The following NCKAP5 variants were observed in gnomAD, a reference collection of about 807,000 sequenced individuals.
The protein encoded by NCKAP5 is nck-associated protein 5.
NCKAP5 carries 92 observed loss-of-function variants against 167.0 expected under a neutral mutation model. That is an observed-to-expected ratio of 0.55 (90% confidence interval 0.47 to 0.66). The LOEUF (loss-of-function observed/expected upper bound fraction) is 0.66. Among genes scored for constraint, NCKAP5 ranks in the 30% least tolerant of loss-of-function variants. The pLI is 0.00. For missense variants in NCKAP5, 2,378 were observed against 2,315.0 expected (o/e 1.03, Z -0.56); for synonymous variants, 891 against 877.4 (o/e 1.02, Z -0.27).
rs185270041 is a variant in NCKAP5, at chr2:133,385,294, A to G, written c.70-82184T>C. Reference sequence around the variant, plus strand: ...TTTGTCAAAGGCCTTTTCTGCATCTACTGAGATAATCATGTGGTTTTTGTC... The same window carrying G: ...TTTGTCAAAGGCCTTTTCTGCATCTGCTGAGATAATCATGTGGTTTTTGTC... On this transcript the variant is annotated intron_variant, in intron 3 of 19. Coordinates refer to ENST00000409261, the MANE Select transcript of NCKAP5 (RefSeq NM_207363.3). Among the ~76,000 whole-genome samples, 50 of 152,298 alleles carry G rather than the reference A, an allele frequency of 3.3e-4. No individual in the cohort carries two copies. In the East Asian group the frequency reaches 9.1e-3, roughly 28 times the overall value.
At chr2:133,018,779 C>T (rs973675592) in intron 6 of NCKAP5, among the ~76,000 whole-genome samples, 5 of 152,180 alleles carry the variant, frequency 3.3e-5, no homozygotes, top group Admixed American at 3.3e-4. Flanking sequence ...GCAGGAGGAA[C>T]ACCAATCTTT....
intron 11 of NCKAP5, among the ~76,000 whole-genome samples, chr2:132,817,270 T>C (rs1214188101): frequency 6.6e-6 from 1 of 152,198 alleles, no homozygotes; most frequent in Non-Finnish European, 1.5e-5. Flanking sequence ...TATTGACATT[T>C]ATGTTGATCG....
At chr2:132,798,912 A>G (rs72847226) in intron 11 of NCKAP5, among the ~76,000 whole-genome samples, 28,352 of 152,218 alleles carry the variant, frequency 0.19, 3,105 homozygotes, top group East Asian at 0.3. Context: ...GTGTGTACCC[A>G]AAGGAAAATC....
intron 19 of NCKAP5, among the ~76,000 whole-genome samples, chr2:132,698,021 C>T (rs561321499): frequency 6.6e-6 from 1 of 152,274 alleles, no homozygotes; most frequent in Admixed American, 6.5e-5. Flanking sequence ...ATTTCAAACC[C>T]CACATTGCAG....
At chr2:132,857,302 A>C (rs1689549344) in intron 11 of NCKAP5, among the ~76,000 whole-genome samples, 2 of 152,184 alleles carry the variant, frequency 1.3e-5, no homozygotes, top group Admixed American at 1.3e-4. Context: ...ATTGTTCCAC[A>C]TTTAATACAA....
At chr2:132,938,275 A>G (rs1324466034) in intron 8 of NCKAP5, among the ~76,000 whole-genome samples, 1 of 152,204 alleles carries the variant, frequency 6.6e-6, no homozygotes, top group Non-Finnish European at 1.5e-5. Context: ...GATACAGTAG[A>G]GAACAAAGGT....
intron 16 of NCKAP5, among the ~76,000 whole-genome samples, chr2:132,762,960 T>C (rs1171512129): frequency 1.3e-5 from 2 of 152,034 alleles, no homozygotes; most frequent in East Asian, 3.9e-4. Context: ...TGGTAGGGAG[T>C]CCTTTGGCAA....
rs1028671868 is a variant in NCKAP5 at position 133,449,031 on chromosome 2, C to T, written c.69+68427G>A. On this transcript the variant is annotated intron_variant, in intron 3 of 19. Coordinates refer to ENST00000409261, the MANE Select transcript of NCKAP5 (RefSeq NM_207363.3). ...GATGTTCTTATTAACCTTTTTTCCA[C>T]ATAGATTTAATTATCCTTGCACTTC... Among the ~76,000 whole-genome samples, 8 of 152,168 alleles carry T rather than the reference C, an allele frequency of 5.3e-5. No homozygotes were observed. The South Asian group carries it at 1.2e-3, about 24-fold the overall frequency.
At chr2:133,213,657 G>T (rs1299791821) in intron 5 of NCKAP5, 59 bp downstream of exon 5, 2 of 1,556,256 alleles carry the variant, frequency 1.3e-6, no homozygotes, top group Non-Finnish European at 1.8e-6. Flanking sequence ...AGGCAAAGTA[G>T]CTTTCAAGCC....
intron 8 of NCKAP5, among the ~76,000 whole-genome samples, chr2:132,884,613 C>T (rs558410772): frequency 4.6e-5 from 7 of 152,240 alleles, no homozygotes; most frequent in African/African-American, 9.6e-5. Flanking sequence ...CCATGAATCA[C>T]GGAGGAAAAT....
At position 133,235,461 on chromosome 2, in the gene NCKAP5, G is replaced by A. The variant is rs947232684; in HGVS notation, c.144-21682C>T. ...TCCTGAGTACAAAAAGGCAGGCTGG[G>A]CATGGTGGCTCACACCTGTAATCCT... On this transcript the variant is annotated intron_variant, in intron 4 of 19. Transcript: ENST00000409261. Among the ~76,000 whole-genome samples, 3 of 152,282 alleles carry A rather than the reference G, an allele frequency of 2.0e-5. No individual in the cohort carries two copies. The South Asian group carries it at 6.2e-4, about 32-fold the overall frequency.
chr2:133,044,981 T>G (rs188842307), intron 6 of NCKAP5, among the ~76,000 whole-genome samples: 2 of 150,082 alleles, frequency 1.3e-5, no homozygotes, highest in Non-Finnish European at 3.0e-5. Context: ...CCTGAGCCCA[T>G]GAGTTCCAGG....
At chr2:133,486,378 C>T (rs1175064818) in intron 3 of NCKAP5, among the ~76,000 whole-genome samples, 2 of 152,200 alleles carry the variant, frequency 1.3e-5, no homozygotes, top group African/African-American at 4.8e-5. Flanking sequence ...TGTTTATCAG[C>T]AACAGTGGCT....
At chr2:133,281,742 C>A (rs10170384) in intron 4 of NCKAP5, among the ~76,000 whole-genome samples, 17,306 of 152,138 alleles carry the variant, frequency 0.11, 1,107 homozygotes, top group South Asian at 0.15. Context: ...GACAAGCAAC[C>A]CCTAGATCTC....
At chr2:133,271,020 C>T (rs945103111) in intron 4 of NCKAP5, among the ~76,000 whole-genome samples, 15 of 149,732 alleles carry the variant, frequency 1.0e-4, no homozygotes, top group Non-Finnish European at 1.6e-4. Context: ...CCCGGGTTCA[C>T]GTCATTCTCC....
chr2:133,399,538 G>A (rs1029642531), intron 3 of NCKAP5, among the ~76,000 whole-genome samples: 2 of 152,144 alleles, frequency 1.3e-5, no homozygotes, highest in African/African-American at 4.8e-5. Flanking sequence ...CATTTTGTGG[G>A]GGGCATTTTA....
chr2:133,097,320 G>A (rs2081374251), intron 6 of NCKAP5, among the ~76,000 whole-genome samples: 2 of 152,122 alleles, frequency 1.3e-5, no homozygotes, highest in Admixed American at 1.3e-4. Flanking sequence ...TCTATAGTTT[G>A]GAGTTTTGTC....
rs769725375 is a variant in NCKAP5, at chr2:132,687,468, C to G, written c.5714-14163G>C. 6.6e-5 allele frequency among the ~76,000 whole-genome samples: 10 copies of G among 152,174 alleles called. No individual in the cohort carries two copies. The South Asian group carries it at 2.1e-3, about 32-fold the overall frequency. On this transcript the variant is annotated intron_variant, in intron 19 of 19. Coordinates refer to ENST00000409261, the MANE Select transcript of NCKAP5 (RefSeq NM_207363.3). ...TGAGTGGGCTGGTGTTTCCTCTTTG[C>G]TAGATTTAGTGTGTGCGGTTTCTCT... is the stretch of plus-strand genomic sequence containing the variant.
At chr2:133,275,924 A>G (rs1248602039) in intron 4 of NCKAP5, among the ~76,000 whole-genome samples, 1 of 151,930 alleles carries the variant, frequency 6.6e-6, no homozygotes, top group Non-Finnish European at 1.5e-5. Context: ...GTGCAGATCT[A>G]CTTATACACA....
Sources: allele counts gnomAD v4.1 joint callset (sites outside exome capture counted in the v4.1 genomes callset), GRCh38; gene constraint gnomAD v4.1.1; transcripts MANE v1.5; gene names NCBI Gene and HGNC (gene_info 2026-07-23, HGNC 2026-07-21).